Variants in UNC5C observed in about 807,000 individuals in gnomAD.
UNC5C encodes unc-5 netrin receptor C.
A neutral mutation model predicts 99.8 loss-of-function variants in UNC5C; 47 were observed. The observed-to-expected ratio is 0.47, with a 90% CI of 0.37 to 0.60. The LOEUF (loss-of-function observed/expected upper bound fraction) is 0.60, where lower values mean the gene tolerates loss of function less well. Among genes scored for constraint, UNC5C ranks in the 20% least tolerant of loss-of-function variants. UNC5C has a pLI of 0.00. For missense variants in UNC5C, 1,062 were observed against 1,165.9 expected (o/e 0.91, Z 1.30); for synonymous variants, 487 against 452.2 (o/e 1.08, Z -0.98).
intron 1 of UNC5C, among the ~76,000 whole-genome samples, chr4:95,503,111 T>C (rs1325863650): frequency 6.6e-6 from 1 of 152,152 alleles, no homozygotes; most frequent in Non-Finnish European, 1.5e-5. Flanking sequence ...TATAACAGTA[T>C]TGACAGGTGG....
intron 1 of UNC5C, among the ~76,000 whole-genome samples, chr4:95,477,554 C>A (rs1340481660): frequency 6.6e-6 from 1 of 152,032 alleles, no homozygotes; most frequent in African/African-American, 2.4e-5. Context: ...GATGGAGAGA[C>A]AAAGTTGTTA....
chr4:95,401,992 A>G lies in UNC5C; in HGVS notation c.125-66361T>C, dbSNP rs145250318. Reference sequence around the variant, plus strand: ...GAAGATGTGGACAGTGGTTATTACTAGAGAGATTGGCAAAATGCTGCTTCT... The same window carrying G: ...GAAGATGTGGACAGTGGTTATTACTGGAGAGATTGGCAAAATGCTGCTTCT... On this transcript the variant is annotated intron_variant, in intron 1 of 15. Coordinates refer to ENST00000453304, the MANE Select transcript of UNC5C (RefSeq NM_003728.4). Among the ~76,000 whole-genome samples the G allele has an allele frequency of 2.7e-3, 408 of 152,358 alleles. 5 individuals carry two copies. Among genetic ancestry groups the G allele is most frequent in the African/African-American group, 8.8e-3 (364 of 41,588 alleles).
chr4:95,206,996 G>T lies in UNC5C; in HGVS notation c.1734-200C>A, dbSNP rs999728978. ...ACCAAGACCTTGATCTTGCAGGACT[G>T]GAAGTCTTTATGATAACAATAAACT... On this transcript the variant is annotated intron_variant, in intron 10 of 15. Coordinates refer to ENST00000453304, the MANE Select transcript of UNC5C (RefSeq NM_003728.4). Among the ~76,000 whole-genome samples, 4 of 150,664 alleles carry T rather than the reference G, an allele frequency of 2.7e-5. No individual in the cohort carries two copies. The Admixed American group carries it at 2.7e-4, about 10-fold the overall frequency.
Position 95,219,080 on chromosome 4 carries a change from TCTC to T in UNC5C, c.1531_1533del (p.Glu511del). On this transcript the variant is annotated inframe_deletion, in exon 9 of 16. Transcript: ENST00000453304. Reference sequence around the variant, plus strand: ...TGGTTCTTCAGGCTGAGGGCTTCATTCTCCAACAACGACTGGGTCATCTGAGGG... The same window carrying T: ...TGGTTCTTCAGGCTGAGGGCTTCATTCAACAACGACTGGGTCATCTGAGGG... The T allele has an allele frequency of 6.2e-7, 1 of 1,614,104 alleles. No homozygotes were observed. Among genetic ancestry groups the T allele is most frequent in the Non-Finnish European group, 8.5e-7 (1 of 1,180,010 alleles).
At chr4:95,449,006 C>T (rs975698590) in intron 1 of UNC5C, among the ~76,000 whole-genome samples, 8 of 152,062 alleles carry the variant, frequency 5.3e-5, no homozygotes, top group Admixed American at 5.2e-4. Flanking sequence ...ATATCCATTG[C>T]CTTCCCCTTA....
chr4:95,216,768 G>A (rs765252895), intron 9 of UNC5C, among the ~76,000 whole-genome samples: 13 of 152,166 alleles, frequency 8.5e-5, no homozygotes, highest in Admixed American at 6.5e-4. Flanking sequence ...GTTGCTAATC[G>A]GTGCCCTTTG....
Position 95,505,917 on chromosome 4 carries a change from A to G in UNC5C, c.124+42817T>C, listed in dbSNP as rs1043821248. Among the ~76,000 whole-genome samples, 4 of 152,072 alleles carry G rather than the reference A, an allele frequency of 2.6e-5. No individual in the cohort carries two copies. In the East Asian group the frequency reaches 7.7e-4, roughly 29 times the overall value. The stretch of plus-strand genomic sequence containing the variant: ...ACCAAGAGTAGATACAAAGAATACA[A>G]GACTGAACTCATTTCAAGGGTAAAG... On this transcript the variant is annotated intron_variant, in intron 1 of 15. Transcript: ENST00000453304.
chr4:95,347,496 GA>G, intron 1 of UNC5C, among the ~76,000 whole-genome samples: 1 of 152,172 alleles, frequency 6.6e-6, no homozygotes, highest in Middle Eastern at 3.4e-3. Context: ...CACATTACCT[GA>G]TTTCAAATTA....
chr4:95,313,524 ACTGT>A (rs1742348931), intron 2 of UNC5C, among the ~76,000 whole-genome samples: 1 of 152,182 alleles, frequency 6.6e-6, no homozygotes, highest in Non-Finnish European at 1.5e-5. Flanking sequence ...CTCTAAAAAC[ACTGT>A]CTGACAGTGG....
chr4:95,370,741 C>A (rs992342711), intron 1 of UNC5C, among the ~76,000 whole-genome samples: 14 of 152,298 alleles, frequency 9.2e-5, no homozygotes, highest in Admixed American at 4.6e-4. Context: ...CATGTAATTA[C>A]CGCGTACAGG....
chr4:95,294,740 A>G (rs564783862), intron 3 of UNC5C, among the ~76,000 whole-genome samples: 2 of 152,346 alleles, frequency 1.3e-5, no homozygotes, highest in South Asian at 4.1e-4. Flanking sequence ...AAGTTTGCTC[A>G]GTATTGATGT....
At chr4:95,211,479 C>G (rs1461573076) in intron 10 of UNC5C, among the ~76,000 whole-genome samples, 6 of 152,336 alleles carry the variant, frequency 3.9e-5, no homozygotes, top group Non-Finnish European at 2.9e-5. Flanking sequence ...GCCCTTGAAA[C>G]TCATTGCTGT....
intron 1 of UNC5C, among the ~76,000 whole-genome samples, chr4:95,501,679 G>A (rs57682065): frequency 0.16 from 24,658 of 151,988 alleles, 2,728 homozygotes; most frequent in African/African-American, 0.31. Flanking sequence ...TATAGCTTGT[G>A]AAAGTATTAT....
At chr4:95,528,986 G>T (rs1320365419) in intron 1 of UNC5C, among the ~76,000 whole-genome samples, 1 of 151,750 alleles carries the variant, frequency 6.6e-6, no homozygotes, top group Non-Finnish European at 1.5e-5. Flanking sequence ...AGTTAACAAA[G>T]CACATTTATC....
intron 7 of UNC5C, among the ~76,000 whole-genome samples, chr4:95,227,443 G>A (rs965613957): frequency 7.9e-5 from 12 of 152,184 alleles, no homozygotes; most frequent in South Asian, 2.1e-4. Context: ...GTGAGCCATC[G>A]CACCCAGCTG....
chr4:95,280,141 G>A (rs890876526), intron 3 of UNC5C, among the ~76,000 whole-genome samples: 7 of 152,018 alleles, frequency 4.6e-5, no homozygotes, highest in Non-Finnish European at 7.4e-5. Context: ...ACCCCTGCTC[G>A]CAAGGTATAT....
intron 1 of UNC5C, among the ~76,000 whole-genome samples, chr4:95,461,310 C>G (rs1353785560): frequency 7.2e-5 from 7 of 97,326 alleles, no homozygotes; most frequent in African/African-American, 3.6e-4. Flanking sequence ...ACATGAAGCA[C>G]AAGGCAAGAG....
intron 1 of UNC5C, among the ~76,000 whole-genome samples, chr4:95,487,024 C>T (rs548416022): frequency 6.6e-6 from 1 of 151,774 alleles, no homozygotes; most frequent in East Asian, 2.0e-4. Flanking sequence ...TGGCCTTTTC[C>T]CATGGAATGA....
intron 12 of UNC5C, among the ~76,000 whole-genome samples, chr4:95,189,765 G>A (rs537802317): frequency 6.6e-6 from 1 of 152,314 alleles, no homozygotes; most frequent in East Asian, 1.9e-4. Context: ...GGCCATCAGA[G>A]AAATGCAAAT....
Sources: allele counts gnomAD v4.1 joint callset (sites outside exome capture counted in the v4.1 genomes callset), GRCh38; gene constraint gnomAD v4.1.1; transcripts MANE v1.5; gene names NCBI Gene and HGNC (gene_info 2026-07-23, HGNC 2026-07-21).